PPP3CA: variants seen among roughly 807,000 people sequenced by gnomAD.
PPP3CA encodes protein phosphatase 3 catalytic subunit alpha.
In PPP3CA, 14 loss-of-function variants were observed where a neutral mutation model predicts 66.5. The observed-to-expected ratio is 0.21, with a 90% CI of 0.14 to 0.33. The LOEUF (loss-of-function observed/expected upper bound fraction) is 0.33. Among genes scored for constraint, PPP3CA ranks in the 10% least tolerant of loss-of-function variants. PPP3CA has a pLI of 1.00. For missense variants in PPP3CA, 317 were observed against 639.5 expected, an observed-to-expected ratio of 0.50 and a Z score of 5.44; for synonymous variants, 232 against 226.2, an observed-to-expected ratio of 1.03 and a Z score of -0.23.
At chr4:101,185,278 G>A (rs1724376427) in intron 2 of PPP3CA, among the ~76,000 whole-genome samples, 1 of 152,128 alleles carries the variant, frequency 6.6e-6, no homozygotes, top group Non-Finnish European at 1.5e-5. Context: ...AGAGGTGGAA[G>A]GAAGAAGAAG....
chr4:101,040,154 CA>C (rs1727446086), intron 11 of PPP3CA, among the ~76,000 whole-genome samples: 1 of 151,532 alleles, frequency 6.6e-6, no homozygotes, highest in African/African-American at 2.4e-5. Context: ...AAAAACAAAA[CA>C]AAAAAAATTA....
rs1017529660 is a variant in PPP3CA, at chr4:101,229,164, G to A, written c.59-33048C>T. On this transcript the variant is annotated intron_variant, in intron 1 of 13. Coordinates refer to ENST00000394854, the MANE Select transcript of PPP3CA (RefSeq NM_000944.5). ...ACAAAACATTTTTTAGGGACCAATC[G>A]AAAAAGAATTCAATACAACCTAAGT... Among the ~76,000 whole-genome samples the A allele has an allele frequency of 4.6e-5, 7 of 151,548 alleles. No individual in the cohort carries two copies. In the South Asian group the frequency reaches 6.2e-4, roughly 14 times the overall value.
chr4:101,227,397 A>G (rs1338355695), intron 1 of PPP3CA, among the ~76,000 whole-genome samples: 1 of 151,562 alleles, frequency 6.6e-6, no homozygotes, highest in African/African-American at 2.4e-5. Context: ...TTGTTGATCA[A>G]CTCTCTTTTT....
intron 1 of PPP3CA, among the ~76,000 whole-genome samples, chr4:101,326,060 G>A (rs7664396): frequency 2.6e-5 from 4 of 151,960 alleles, no homozygotes; most frequent in Non-Finnish European, 5.9e-5. Context: ...TACTTGAACC[G>A]AGGAGGCAGA....
chr4:101,124,783 GAAAGAAAGAAAGAAAGA>G (rs1722189519), intron 2 of PPP3CA, among the ~76,000 whole-genome samples: 1 of 127,688 alleles, frequency 7.8e-6, no homozygotes, highest in African/African-American at 3.5e-5. Context: ...AAGAAAGAAA[GAAAGAAAGAAAGAAAGA>G]GAAAACTGTA....
At chr4:101,277,418 G>A (rs952074482) in intron 1 of PPP3CA, among the ~76,000 whole-genome samples, 3 of 152,002 alleles carry the variant, frequency 2.0e-5, no homozygotes, top group South Asian at 2.1e-4. Flanking sequence ...ATCAAAAAAC[G>A]CATTTTAAAA....
intron 10 of PPP3CA, among the ~76,000 whole-genome samples, chr4:101,047,308 G>A (rs979848401): frequency 2.0e-5 from 3 of 152,190 alleles, no homozygotes; most frequent in South Asian, 2.1e-4. Context: ...CTTCAAAATT[G>A]TAGCCTTTAT....
chr4:101,052,143 A>C (rs1728039156), intron 10 of PPP3CA, among the ~76,000 whole-genome samples: 1 of 152,116 alleles, frequency 6.6e-6, no homozygotes, highest in African/African-American at 2.4e-5. Flanking sequence ...AAGAAAAGGC[A>C]GTACTTCTGA....
intron 1 of PPP3CA, among the ~76,000 whole-genome samples, chr4:101,308,185 T>A (rs914508839): frequency 6.6e-6 from 1 of 152,192 alleles, no homozygotes; most frequent in Non-Finnish European, 1.5e-5. Flanking sequence ...AAATGTAAAA[T>A]TAAAACTTAT....
chr4:101,101,426 T>C (rs1730437250), intron 3 of PPP3CA, among the ~76,000 whole-genome samples: 1 of 152,210 alleles, frequency 6.6e-6, no homozygotes, highest in African/African-American at 2.4e-5. Flanking sequence ...CAATTTAAAA[T>C]GTCTAAGGCT....
chr4:101,142,861 G>A (rs1331768010), intron 2 of PPP3CA, among the ~76,000 whole-genome samples: 1 of 152,136 alleles, frequency 6.6e-6, no homozygotes, highest in Non-Finnish European at 1.5e-5. Flanking sequence ...CAGTATTTTT[G>A]CTAATATTTA....
At chr4:101,209,286 T>G (rs527995456) in intron 1 of PPP3CA, among the ~76,000 whole-genome samples, 1 of 152,348 alleles carries the variant, frequency 6.6e-6, no homozygotes, top group East Asian at 1.9e-4. Flanking sequence ...CATTGCATTT[T>G]TTTAAAGCAA....
chr4:101,174,470 A>G (rs550244413), intron 2 of PPP3CA, among the ~76,000 whole-genome samples: 2 of 152,314 alleles, frequency 1.3e-5, no homozygotes, highest in South Asian at 4.1e-4. Context: ...TCTGGCTTAA[A>G]TATTTTCTAA....
At chr4:101,121,152 T>G (rs1195574292) in intron 2 of PPP3CA, among the ~76,000 whole-genome samples, 1 of 152,120 alleles carries the variant, frequency 6.6e-6, no homozygotes, top group South Asian at 2.1e-4. Flanking sequence ...GTGTTGTTTA[T>G]ATACTAGAAT....
intron 2 of PPP3CA, among the ~76,000 whole-genome samples, chr4:101,143,165 G>C (rs917033340): frequency 6.6e-6 from 1 of 152,044 alleles, no homozygotes; most frequent in Non-Finnish European, 1.5e-5. Context: ...CCTATGTCAC[G>C]TCACCCTTTC....
chr4:101,109,490 G>A (rs1043712787), intron 2 of PPP3CA, among the ~76,000 whole-genome samples: 3 of 151,680 alleles, frequency 2.0e-5, no homozygotes, highest in African/African-American at 7.3e-5. Flanking sequence ...AATGGTTCAG[G>A]AATTTGGCAT....
At chr4:101,244,397 C>A (rs1039241868) in intron 1 of PPP3CA, among the ~76,000 whole-genome samples, 1 of 152,080 alleles carries the variant, frequency 6.6e-6, no homozygotes, top group South Asian at 2.1e-4. Flanking sequence ...ATATAATTAA[C>A]CTCTTCAATC....
At chr4:101,275,753 A>G (rs1727468554) in intron 1 of PPP3CA, among the ~76,000 whole-genome samples, 1 of 151,844 alleles carries the variant, frequency 6.6e-6, no homozygotes, top group Non-Finnish European at 1.5e-5. Flanking sequence ...CTGCTTTTCA[A>G]TCTTCTTGGC....
chr4:101,097,232 T>G (rs1730235253), intron 5 of PPP3CA, among the ~76,000 whole-genome samples: 1 of 152,148 alleles, frequency 6.6e-6, no homozygotes, highest in South Asian at 2.1e-4. Flanking sequence ...TCAAATACAG[T>G]AATTTAGAAC....
Sources: allele counts gnomAD v4.1 joint callset (sites outside exome capture counted in the v4.1 genomes callset), GRCh38; gene constraint gnomAD v4.1.1; transcripts MANE v1.5; gene names NCBI Gene and HGNC (gene_info 2026-07-23, HGNC 2026-07-21).